APPBP2: variants seen among roughly 807,000 people sequenced by gnomAD.
APPBP2 encodes amyloid beta precursor protein binding protein 2.
In APPBP2, 15 loss-of-function variants were observed where a neutral mutation model predicts 76.0. That is an observed-to-expected ratio of 0.20 (90% CI 0.13 to 0.30). The LOEUF (loss-of-function observed/expected upper bound fraction) is 0.30, where lower values mean the gene tolerates loss of function less well. Among genes scored for constraint, APPBP2 ranks in the 10% least tolerant of loss-of-function variants. The pLI is 1.00. For synonymous variants in APPBP2, 222 were observed against 242.2 expected (o/e 0.92, Z 0.77); for missense variants, 401 against 687.2 (o/e 0.58, Z 4.66).
intron 6 of APPBP2, among the ~76,000 whole-genome samples, chr17:60,462,948 C>CAAAAAAAAAAAAA: frequency 1.5e-5 from 1 of 65,492 alleles, no homozygotes; most frequent in Non-Finnish European, 3.5e-5. Flanking sequence ...GACTCCATCT[C>CAAAAAAAAAAAAA]AAAAAAAAAA....
intron 1 of APPBP2, among the ~76,000 whole-genome samples, chr17:60,518,530 A>AAG (rs915205781): frequency 7.5e-6 from 1 of 133,784 alleles, no homozygotes; most frequent in Non-Finnish European, 1.5e-5. Context: ...GTGTGTGTGA[A>AAG]AGAGAGAGAG....
At chr17:60,502,035 G>T (rs972335568) in intron 1 of APPBP2, among the ~76,000 whole-genome samples, 1 of 152,116 alleles carries the variant, frequency 6.6e-6, no homozygotes, top group African/African-American at 2.4e-5. Context: ...CCTTCAGCAA[G>T]AAAGATTTGT....
chr17:60,492,863 G>A (rs2090741090), intron 3 of APPBP2, among the ~76,000 whole-genome samples: 1 of 152,170 alleles, frequency 6.6e-6, no homozygotes, highest in African/African-American at 2.4e-5. Context: ...CATGATTGGT[G>A]TTGAAATGTG....
At chr17:60,516,270 T>C (rs563913423) in intron 1 of APPBP2, among the ~76,000 whole-genome samples, 1 of 152,304 alleles carries the variant, frequency 6.6e-6, no homozygotes, top group South Asian at 2.1e-4. Flanking sequence ...TAAACAAACA[T>C]CCCATTAGTT....
At chr17:60,482,640 T>G (rs1416879339) in intron 3 of APPBP2, among the ~76,000 whole-genome samples, 1 of 152,174 alleles carries the variant, frequency 6.6e-6, no homozygotes, top group Non-Finnish European at 1.5e-5. Context: ...TGTGTCCAAG[T>G]GTTCTCATTG....
rs929327140 is a variant in APPBP2 at position 60,443,751 on chromosome 17, G to A, written c.*3830C>T. On this transcript the variant is annotated 3_prime_UTR_variant, in exon 13 of 13. Coordinates refer to ENST00000083182, the MANE Select transcript of APPBP2 (RefSeq NM_006380.5). ...ATTTTTAATCTTAAATTTTACTCTT[G>A]AAAAACATGTGCACTTCAACAAACT... is the stretch of plus-strand genomic sequence containing the variant. The A allele has an allele frequency of 3.9e-5, 6 of 152,606 alleles. No individual in the cohort carries two copies. The East Asian group carries it at 1.2e-3, about 29-fold the overall frequency. The allele number at this position is 152,606 out of a possible 1,614,324, so 9.5% of individuals were successfully genotyped here.
chr17:60,509,042 G>T (rs2090890858), intron 1 of APPBP2, among the ~76,000 whole-genome samples: 1 of 152,152 alleles, frequency 6.6e-6, no homozygotes. Context: ...ATGCTAACAT[G>T]TGGAACTTAC....
intron 3 of APPBP2, among the ~76,000 whole-genome samples, chr17:60,487,148 T>C (rs903874305): frequency 2.6e-5 from 4 of 152,120 alleles, no homozygotes; most frequent in African/African-American, 9.7e-5. Flanking sequence ...ATTTTTATCT[T>C]GGGGAATCTG....
rs770172382 is a variant in APPBP2, at chr17:60,494,534, C to T, written c.311G>A (p.Arg104Gln). 93 of 1,612,250 alleles carry T rather than the reference C, an allele frequency of 5.8e-5. No individual in the cohort carries two copies. Among genetic ancestry groups the T allele is most frequent in the Non-Finnish European group, 7.1e-5 (84 of 1,179,766 alleles). ...ASVLAYSFSR[R>Q]CSYIAESDAA... is the part of the protein sequence containing the mutation. Reference sequence around the variant, plus strand: ...ATCTGATTCTGCTATATAAGAGCACCGCCTACTGAATGAGTAGGCCAAGAC... The same window carrying T: ...ATCTGATTCTGCTATATAAGAGCACTGCCTACTGAATGAGTAGGCCAAGAC... Residue 104 changes from arginine to glutamine, a missense_variant, in exon 3 of 13, where the codon CGG becomes CAG. Arg to Gln is a conservative substitution (Grantham distance 43). This residue lies in a region of APPBP2 where 149 missense variants were observed against 198.4 expected (regional missense o/e 0.75). Coordinates refer to ENST00000083182, the MANE Select transcript of APPBP2 (RefSeq NM_006380.5).
chr17:60,475,988 C>A (rs2090588178), intron 4 of APPBP2, among the ~76,000 whole-genome samples: 1 of 151,964 alleles, frequency 6.6e-6, no homozygotes, highest in East Asian at 1.9e-4. Flanking sequence ...GTTTGTCATC[C>A]CCCAAAAACA....
At chr17:60,513,986 T>G (rs1488785298) in intron 1 of APPBP2, among the ~76,000 whole-genome samples, 2 of 144,970 alleles carry the variant, frequency 1.4e-5, no homozygotes, top group Non-Finnish European at 3.0e-5. Context: ...ATATACATAT[T>G]TTCCCCACAT....
chr17:60,480,953 C>T (rs2090624005), intron 3 of APPBP2, among the ~76,000 whole-genome samples: 3 of 152,144 alleles, frequency 2.0e-5, no homozygotes, highest in African/African-American at 7.2e-5. Flanking sequence ...GTAGTTCATT[C>T]CATTAAATAA....
intron 3 of APPBP2, among the ~76,000 whole-genome samples, chr17:60,485,865 C>T (rs2090672901): frequency 6.6e-6 from 1 of 152,198 alleles, no homozygotes; most frequent in Non-Finnish European, 1.5e-5. Context: ...CTACACACAG[C>T]TTTAAATGTG....
In APPBP2 at chr17:60,494,376, C is replaced by G; in HGVS notation, c.379+90G>C. 2.1e-6 allele frequency: 3 copies of G among 1,461,214 alleles called. No homozygotes were observed. In the South Asian group the frequency reaches 3.7e-5, roughly 18 times the overall value. 90.5% of individuals were successfully genotyped at this position (1,461,214 alleles called of 1,614,324 possible). ...TCTTCTCATAACCTTCTTACGTAGA[C>G]TTTGGGAAAGCCCTGGAAGAATTCT... On this transcript the variant is annotated intron_variant, in intron 3 of 12. Transcript: ENST00000083182.
Position 60,454,382 on chromosome 17 carries a change from C to T in APPBP2, c.1258G>A (p.Ala420Thr). The T allele has an allele frequency of 2.5e-6, 4 of 1,612,526 alleles. No homozygotes were observed. Among genetic ancestry groups the T allele is most frequent in the Non-Finnish European group, 3.4e-6 (4 of 1,179,274 alleles). The stretch of plus-strand genomic sequence containing the variant: ...GTCTGTACATTAAATTCCCCAAAAG[C>T]TTTTTTAGCTAGTTGGAGTGAAGAC... ...HLSSLQLAKK[A>T]FGEFNVQTAK... The change falls in exon 11 of 13, where the codon GCT becomes ACT. Residue 420 changes from alanine to threonine, a missense_variant. Ala to Thr is a moderately conservative substitution (Grantham distance 58). This residue lies in a region of APPBP2 where 130 missense variants were observed against 322.7 expected (regional missense o/e 0.40). Transcript: ENST00000083182.
intron 1 of APPBP2, 129 bp from the exon 2 acceptor site, chr17:60,500,616 C>T (rs796871092): frequency 1.5e-6 from 1 of 681,380 alleles, no homozygotes; most frequent in Non-Finnish European, 2.6e-6. Flanking sequence ...GTAACACTAA[C>T]AAATTTCTAC....
chr17:60,495,474 ATTTATTT>A (rs934580612), intron 2 of APPBP2, among the ~76,000 whole-genome samples: 1 of 142,694 alleles, frequency 7.0e-6, no homozygotes, highest in Non-Finnish European at 1.5e-5. Flanking sequence ...TTATTTATTT[ATTTATTT>A]ATGTTTTAGA....
chr17:60,483,345 T>C (rs954162139), intron 3 of APPBP2, among the ~76,000 whole-genome samples: 1 of 152,154 alleles, frequency 6.6e-6, no homozygotes, highest in African/African-American at 2.4e-5. Flanking sequence ...GTCAGATAGG[T>C]AGATTGCAAA....
intron 4 of APPBP2, among the ~76,000 whole-genome samples, chr17:60,469,112 T>C (rs1355020603): frequency 6.6e-6 from 1 of 151,854 alleles, no homozygotes; most frequent in African/African-American, 2.4e-5. Flanking sequence ...CGGATCACGA[T>C]GTCAGGAGAT....
Sources: allele counts gnomAD v4.1 joint callset (sites outside exome capture counted in the v4.1 genomes callset), GRCh38; gene constraint gnomAD v4.1.1; regional missense constraint gnomAD v4.1.1; transcripts MANE v1.5; gene names NCBI Gene and HGNC (gene_info 2026-07-23, HGNC 2026-07-21).